The following CELF2 variants were observed in gnomAD, a reference collection of about 807,000 sequenced individuals.
CELF2 encodes the protein CUG triplet repeat RNA-binding protein 2.
CELF2 carries 8 observed loss-of-function variants against 62.6 expected under a neutral mutation model. That is an observed-to-expected ratio of 0.13 (90% CI 0.07 to 0.23). The LOEUF is 0.23. Among genes scored for constraint, CELF2 ranks in the 10% least tolerant of loss-of-function variants. The pLI is 1.00. For synonymous variants in CELF2, 258 were observed against 250.0 expected (o/e 1.03, Z -0.30); for missense variants, 333 against 671.0 (o/e 0.50, Z 5.56).
the CELF2 span, among the ~76,000 whole-genome samples, chr10:10,696,286 C>A: frequency 1.3e-5 from 2 of 152,032 alleles, no homozygotes; most frequent in Non-Finnish European, 2.9e-5. Flanking sequence ...TGTGCCCCTG[C>A]TGGGGGGTGC....
intron 1 of CELF2, among the ~76,000 whole-genome samples, chr10:11,116,350 A>G (rs1359666177): frequency 6.6e-6 from 1 of 152,236 alleles, no homozygotes; most frequent in Non-Finnish European, 1.5e-5. Context: ...TTGACAAGAA[A>G]TCTGTGCATG....
intron 2 of CELF2, among the ~76,000 whole-genome samples, chr10:11,202,893 C>G (rs1033645093): frequency 2.7e-5 from 4 of 148,580 alleles, no homozygotes; most frequent in East Asian, 2.0e-4. Context: ...CTTCCCACCC[C>G]CATCCTCATC....
intron 1 of CELF2, among the ~76,000 whole-genome samples, chr10:10,880,987 TC>T (rs2061403700): frequency 6.6e-6 from 1 of 152,196 alleles, no homozygotes; most frequent in African/African-American, 2.4e-5. Context: ...GTTCCATTTT[TC>T]TCCACCCACC....
the CELF2 span, among the ~76,000 whole-genome samples, chr10:10,655,569 A>T: frequency 2.7e-5 from 3 of 110,968 alleles, no homozygotes; most frequent in African/African-American, 9.5e-5. Flanking sequence ...ATAACGCCGC[A>T]TATCTACAAC....
intron 4 of CELF2, among the ~76,000 whole-genome samples, chr10:11,256,486 A>G (rs2078770622): frequency 6.6e-6 from 1 of 152,190 alleles, no homozygotes; most frequent in Non-Finnish European, 1.5e-5. Flanking sequence ...GTGCAGATTC[A>G]AAAGAAATAG....
chr10:11,232,550 T>G (rs58449917), intron 3 of CELF2, among the ~76,000 whole-genome samples: 2 of 152,154 alleles, frequency 1.3e-5, no homozygotes, highest in South Asian at 4.1e-4. Context: ...AATGGTAAAA[T>G]CTATGGCTCG....
intron 2 of CELF2, among the ~76,000 whole-genome samples, chr10:10,988,132 C>T (rs1016270248): frequency 3.9e-5 from 6 of 152,118 alleles, no homozygotes; most frequent in African/African-American, 1.4e-4. Flanking sequence ...GAAAAAGGCA[C>T]TTACACATGC....
rs35886208 is a variant in CELF2, at chr10:11,053,612, C to CTTTT, written c.74+35466_74+35469dup. Among the ~76,000 whole-genome samples the CTTTT allele has an allele frequency of 3.5e-3, 424 of 122,382 alleles. 5 individuals are homozygous for CTTTT. The highest frequency in any genetic ancestry group is 0.012 in the African/African-American group (393 of 33,114). 80.3% of individuals were successfully genotyped at this position (122,382 alleles called of 152,430 possible). The stretch of plus-strand genomic sequence containing the variant: ...CATTCGTAGGCATACTCTGATATTT[C>CTTTT]TTTTTTTTTTTTTTTTTTTTGAGAC... On this transcript the variant is annotated intron_variant, in intron 1 of 12. Transcript: ENST00000633077.
At chr10:11,079,200 C>A (rs1265783862) in intron 1 of CELF2, among the ~76,000 whole-genome samples, 2 of 152,136 alleles carry the variant, frequency 1.3e-5, no homozygotes, top group African/African-American at 2.4e-5. Flanking sequence ...AGGAGTATCT[C>A]AAAAATGTAT....
rs2082608710 is a variant in CELF2 at position 11,267,890 on chromosome 10, T to C, written c.618+1213T>C. On this transcript the variant is annotated intron_variant, in intron 6 of 12. Coordinates refer to ENST00000633077, the MANE Select transcript of CELF2 (RefSeq NM_001326342.2). The surrounding 1 kb of genome is among the most constrained non-coding windows in gnomAD (Gnocchi z 4.4). ...GTGATACCAGCATTGCAAAGCCTAT[T>C]GTCTTTTTCGAACATTGATCTTGAC... is the stretch of plus-strand genomic sequence containing the variant. 6.6e-6 allele frequency among the ~76,000 whole-genome samples: 1 copy of C among 152,182 alleles called. No homozygotes were observed. Among genetic ancestry groups the C allele is most frequent in the Non-Finnish European group, 1.5e-5 (1 of 68,036 alleles).
intron 2 of CELF2, among the ~76,000 whole-genome samples, chr10:11,201,108 A>G (rs1302177088): frequency 1.3e-5 from 2 of 152,070 alleles, no homozygotes; most frequent in Non-Finnish European, 2.9e-5. Context: ...TCTAAAACAT[A>G]CTCACTTTGA....
chr10:10,684,535 G>A, the CELF2 span, among the ~76,000 whole-genome samples: 1 of 152,122 alleles, frequency 6.6e-6, no homozygotes, highest in Non-Finnish European at 1.5e-5. Context: ...TTAAGTCCAG[G>A]AATTCAAGAC....
intron 1 of CELF2, among the ~76,000 whole-genome samples, chr10:11,138,976 C>T (rs1013065151): frequency 6.6e-6 from 1 of 152,166 alleles, no homozygotes; most frequent in Non-Finnish European, 1.5e-5. Context: ...CTGTTTTTTA[C>T]AGTACAGTTA....
At chr10:10,831,296 A>C (rs1725057673) in intron 1 of CELF2, among the ~76,000 whole-genome samples, 1 of 152,188 alleles carries the variant, frequency 6.6e-6, no homozygotes, top group African/African-American at 2.4e-5. Context: ...TTACTCCCTC[A>C]GGGTTGGCTG....
the CELF2 span, among the ~76,000 whole-genome samples, chr10:10,490,193 A>G: frequency 2.0e-5 from 3 of 152,130 alleles, no homozygotes; most frequent in Non-Finnish European, 2.9e-5. Context: ...GATTTAGCCT[A>G]AATACCAGAT....
chr10:10,796,056 C>A (rs1332508919), upstream of CELF2, among the ~76,000 whole-genome samples: 1 of 152,024 alleles, frequency 6.6e-6, no homozygotes, highest in East Asian at 1.9e-4. Flanking sequence ...GCTGATTTTC[C>A]GTTTATGGAA....
intron 1 of CELF2, among the ~76,000 whole-genome samples, chr10:10,886,748 A>T (rs2061777021): frequency 6.6e-6 from 1 of 152,162 alleles, no homozygotes; most frequent in African/African-American, 2.4e-5. Context: ...AGGTGAGAGG[A>T]TTTCTTGAGC....
At chr10:11,238,625 AGTACCT>A (rs1043803633) in intron 3 of CELF2, among the ~76,000 whole-genome samples, 4 of 152,244 alleles carry the variant, frequency 2.6e-5, no homozygotes, top group Non-Finnish European at 5.9e-5. Context: ...ACACAGTGAC[AGTACCT>A]TCTACTGAGA....
chr10:11,026,084 G>A (rs113268942), intron 1 of CELF2, among the ~76,000 whole-genome samples: 4 of 151,962 alleles, frequency 2.6e-5, no homozygotes, highest in African/African-American at 4.8e-5. Flanking sequence ...AGACTTCACA[G>A]AGAAATCTGG....
Sources: allele counts gnomAD v4.1 joint callset (sites outside exome capture counted in the v4.1 genomes callset), GRCh38; gene constraint gnomAD v4.1.1; non-coding constraint Gnocchi (gnomAD v3.1); transcripts MANE v1.5; gene names NCBI Gene and HGNC (gene_info 2026-07-23, HGNC 2026-07-21).